The following TMEM108 variants were observed in gnomAD, a reference collection of about 807,000 sequenced individuals.
The protein encoded by TMEM108 is cancer/testis antigen 124.
Under a neutral mutation model 35.1 loss-of-function variants are expected in TMEM108, and 12 were observed. The observed-to-expected ratio is 0.34, with a 90% CI of 0.22 to 0.55. The LOEUF is 0.55. TMEM108 is among the 20% of genes least tolerant of loss of function. The pLI is 0.89. For missense variants in TMEM108, 680 were observed against 753.3 expected (o/e 0.90, Z 1.14); for synonymous variants, 287 against 308.6 (o/e 0.93, Z 0.73).
At position 133,346,315 on chromosome 3, in the gene TMEM108, G is replaced by GTTTTGT. The variant is rs900471022; in HGVS notation, c.41-33415_41-33410dup. Among the ~76,000 whole-genome samples, 6 of 151,760 alleles carry GTTTTGT rather than the reference G, an allele frequency of 4.0e-5. No homozygotes were observed. Among genetic ancestry groups the GTTTTGT allele is most frequent in the East Asian group, 3.9e-4 (2 of 5,186 alleles). Reference sequence around the variant, plus strand: ...ACCAGCATTTGGTATTATCAGTTTTGTTTTGTTTTTGTTTTTGTTTTTGTT... The same window carrying GTTTTGT: ...ACCAGCATTTGGTATTATCAGTTTTGTTTTGTTTTTGTTTTTGTTTTTGTTTTTGTT... On this transcript the variant is annotated intron_variant, in intron 3 of 5. Transcript: ENST00000321871. The surrounding 1 kb of genome is among the most constrained non-coding windows in gnomAD (Gnocchi z 4.0).
chr3:133,293,861 A>G (rs1947107104), intron 3 of TMEM108, among the ~76,000 whole-genome samples: 1 of 152,158 alleles, frequency 6.6e-6, no homozygotes, highest in African/African-American at 2.4e-5. Flanking sequence ...AGAGTATAAC[A>G]GAAGAGTTAA....
intron 2 of TMEM108, among the ~76,000 whole-genome samples, chr3:133,122,546 G>A (rs1165677043): frequency 6.6e-6 from 1 of 152,102 alleles, no homozygotes; most frequent in African/African-American, 2.4e-5. Context: ...TTTAAAATAT[G>A]AGTAGAATAT....
At chr3:133,137,356 G>A (rs1385010693) in intron 2 of TMEM108, among the ~76,000 whole-genome samples, 1 of 152,186 alleles carries the variant, frequency 6.6e-6, no homozygotes, top group Non-Finnish European at 1.5e-5. Context: ...CTTTCAGTAT[G>A]TTTTTCTAAT....
At chr3:133,231,750 A>C (rs1946156561) in intron 3 of TMEM108, among the ~76,000 whole-genome samples, 3 of 152,198 alleles carry the variant, frequency 2.0e-5, no homozygotes, top group Admixed American at 2.0e-4. Flanking sequence ...TTGTTTAAAA[A>C]AACAAAAACA....
rs537832597 is a variant in TMEM108, at chr3:133,256,656, G to C, written c.40+27305G>C. ...CAAAATTTCAAGGAAACTACTAAAAGACATAGAATTCATAACTTCCAAACC... is the reference window on the plus strand; with the variant it reads ...CAAAATTTCAAGGAAACTACTAAAACACATAGAATTCATAACTTCCAAACC... On this transcript the variant is annotated intron_variant, in intron 3 of 5. Transcript: ENST00000321871. Among the ~76,000 whole-genome samples, 3 of 152,146 alleles carry C rather than the reference G, an allele frequency of 2.0e-5. No homozygotes were observed. In the East Asian group the frequency reaches 5.8e-4, roughly 29 times the overall value.
At chr3:133,319,730 A>T (rs1441836980) in intron 3 of TMEM108, among the ~76,000 whole-genome samples, 2 of 152,130 alleles carry the variant, frequency 1.3e-5, no homozygotes, top group Non-Finnish European at 1.5e-5. Flanking sequence ...CCTAGCGCCA[A>T]CCCAGAGCCT....
intron 3 of TMEM108, chr3:133,248,358 A>G (rs1242780614): frequency 6.6e-6 from 1 of 152,214 alleles, no homozygotes; most frequent in Non-Finnish European, 1.5e-5. Context: ...AACTAGGAAC[A>G]TGGACTGAGA....
chr3:133,246,442 C>T, intron 3 of TMEM108: 1 of 151,290 alleles, frequency 6.6e-6, no homozygotes, highest in East Asian at 1.9e-4. Context: ...CCTTTTAATA[C>T]CTTGAAAGTT....
At chr3:133,183,134 CA>C (rs1945371463) in intron 2 of TMEM108, among the ~76,000 whole-genome samples, 1 of 152,074 alleles carries the variant, frequency 6.6e-6, no homozygotes, top group South Asian at 2.1e-4. Flanking sequence ...CGTTGACATT[CA>C]AAAAATTGCA....
Position 133,310,185 on chromosome 3 carries a change from T to C in TMEM108, c.41-69567T>C, listed in dbSNP as rs1264225796. On this transcript the variant is annotated intron_variant, in intron 3 of 5. Transcript: ENST00000321871. ...GAGAAGAATGTATATTCTGTTGATATGGGGTGGAGAGTTCTGTAGATGTCT... is the reference window on the plus strand; with the variant it reads ...GAGAAGAATGTATATTCTGTTGATACGGGGTGGAGAGTTCTGTAGATGTCT... Among the ~76,000 whole-genome samples the C allele has an allele frequency of 5.3e-5, 8 of 152,192 alleles. No homozygotes were observed. The South Asian group carries it at 8.3e-4, about 16-fold the overall frequency.
chr3:133,368,239 A>G (rs575111014), intron 3 of TMEM108, among the ~76,000 whole-genome samples: 1 of 152,264 alleles, frequency 6.6e-6, no homozygotes, highest in African/African-American at 2.4e-5. Flanking sequence ...TAGGTCCTTC[A>G]TGAGGCTGTT....
At chr3:133,070,865 G>T (rs78455781) in intron 2 of TMEM108, among the ~76,000 whole-genome samples, 2,526 of 151,926 alleles carry the variant, frequency 0.017, 81 homozygotes, top group African/African-American at 0.058. Flanking sequence ...GGGTGCTAGG[G>T]TACTGCAGCT....
At chr3:133,114,207 T>A (rs1298452079) in intron 2 of TMEM108, among the ~76,000 whole-genome samples, 2 of 152,182 alleles carry the variant, frequency 1.3e-5, no homozygotes, top group Non-Finnish European at 2.9e-5. Context: ...ACTGCTGGGA[T>A]GATGTAAAGT....
At chr3:133,184,115 A>C (rs1453615723) in intron 2 of TMEM108, among the ~76,000 whole-genome samples, 2 of 152,186 alleles carry the variant, frequency 1.3e-5, no homozygotes, top group Non-Finnish European at 1.5e-5. Flanking sequence ...TTATATGAAG[A>C]GGGGATGCTA....
chr3:133,297,194 A>C (rs1947157865), intron 3 of TMEM108, among the ~76,000 whole-genome samples: 1 of 152,214 alleles, frequency 6.6e-6, no homozygotes, highest in Non-Finnish European at 1.5e-5. Flanking sequence ...GCCAGGACAG[A>C]TGTGTGCGTG....
chr3:133,389,213 A>G (rs533821578), intron 4 of TMEM108: 6 of 985,648 alleles, frequency 6.1e-6, no homozygotes, highest in East Asian at 2.3e-4. Flanking sequence ...CAATTCACAC[A>G]TGGTTAATCA....
At chr3:133,172,106 G>A (rs1441880476) in intron 2 of TMEM108, among the ~76,000 whole-genome samples, 1 of 152,106 alleles carries the variant, frequency 6.6e-6, no homozygotes, top group Non-Finnish European at 1.5e-5. Context: ...TAAGGTTTTT[G>A]CATTTAACGC....
chr3:133,394,470 C>A (rs2107865396), intron 5 of TMEM108, among the ~76,000 whole-genome samples: 1 of 152,314 alleles, frequency 6.6e-6, no homozygotes, highest in South Asian at 2.1e-4. Flanking sequence ...CCCTCCTTCT[C>A]TCCTCCCTTC....
intron 2 of TMEM108, among the ~76,000 whole-genome samples, chr3:133,050,192 T>C (rs1241935040): frequency 6.6e-6 from 1 of 152,160 alleles, no homozygotes. Flanking sequence ...CAATTAGTAG[T>C]ATTGCTGGAG....
Sources: gnomAD v4.1 joint callset for allele counts (sites outside exome capture counted in the v4.1 genomes callset) on GRCh38, gnomAD v4.1.1 for gene constraint, Gnocchi (gnomAD v3.1) non-coding constraint, MANE v1.5 for transcripts, NCBI Gene and HGNC (gene_info 2026-07-23, HGNC 2026-07-21) for gene names.